The following NAA50 variants were observed in gnomAD, a reference collection of about 807,000 sequenced individuals.
The protein encoded by NAA50 is N-alpha-acetyltransferase 50.
Under a neutral mutation model 20.7 loss-of-function variants are expected in NAA50, and 7 were observed. The ratio of observed to expected loss-of-function variants is 0.34; its 90% CI spans 0.19 to 0.63. The LOEUF (loss-of-function observed/expected upper bound fraction) is 0.63, where lower values mean the gene tolerates loss of function less well. Among genes scored for constraint, NAA50 ranks in the 30% least tolerant of loss-of-function variants. NAA50 has a pLI of 0.75. For missense variants in NAA50, 111 were observed against 199.1 expected, an observed-to-expected ratio of 0.56 and a Z score of 2.66; for synonymous variants, 54 against 70.6, an observed-to-expected ratio of 0.77 and a Z score of 1.18.
chr3:113,721,870 T>C lies in NAA50; in HGVS notation c.400A>G (p.Thr134Ala). 6.2e-7 allele frequency: 1 copy of C among 1,613,926 alleles called. No individual in the cohort carries two copies. Among genetic ancestry groups the C allele is most frequent in the Non-Finnish European group, 8.5e-7 (1 of 1,179,842 alleles). The change falls in exon 5 of 5, where the codon ACA (threonine) becomes GCA (alanine). Residue 134 changes from threonine (T) to alanine (A), a missense_variant. Physicochemically the swap from Thr to Ala is moderately conservative, Grantham distance 58. Transcript: ENST00000240922. ...ATCCTCTTATAGTAGTTCTTCTTTGTCTCAATAATCTCAAAGCCAAACTTC... is the reference window on the plus strand; with the variant it reads ...ATCCTCTTATAGTAGTTCTTCTTTGCCTCAATAATCTCAAAGCCAAACTTC... ...YRKFGFEIIE[T>A]KKNYYKRIEP...
chr3:113,745,185 C>T (rs1708473818), intron 1 of NAA50, among the ~76,000 whole-genome samples: 1 of 152,162 alleles, frequency 6.6e-6, no homozygotes, highest in African/African-American at 2.4e-5. Context: ...CCTAATTTTA[C>T]GTAAGAGGCA....
Position 113,719,712 on chromosome 3 carries a change from A to G in NAA50, c.*2048T>C, listed in dbSNP as rs1434512989. The G allele has an allele frequency of 1.3e-5, 2 of 152,630 alleles. No homozygotes were observed. The highest frequency in any genetic ancestry group is 2.9e-5 in the Non-Finnish European group (2 of 68,022). 9.5% of individuals were successfully genotyped at this position (152,630 alleles called of 1,614,324 possible). On this transcript the variant is annotated 3_prime_UTR_variant, in exon 5 of 5. Transcript: ENST00000240922. ...AAATTTAATATTTTTTCCTCCTTAA[A>G]TAACATGTACTTGTCATGAGGCAGC... is the stretch of plus-strand genomic sequence containing the variant.
chr3:113,736,324 C>T (rs1708340809), intron 1 of NAA50, among the ~76,000 whole-genome samples: 1 of 152,106 alleles, frequency 6.6e-6, no homozygotes, highest in Non-Finnish European at 1.5e-5. Context: ...AAATAAGAAA[C>T]CGCTACTGCC....
chr3:113,736,517 T>C lies in NAA50; in HGVS notation c.8+9425A>G, dbSNP rs569132270. ...TACCCTTGGCCTATAAATCAAGCAG[T>C]GTGATGAGTTAATGCACATTAAATT... On this transcript the variant is annotated intron_variant, in intron 1 of 4. Transcript: ENST00000240922. Among the ~76,000 whole-genome samples, 164 of 152,324 alleles carry C rather than the reference T, an allele frequency of 1.1e-3. 1 individual carries two copies. Among genetic ancestry groups the C allele is most frequent in the Admixed American group, 1.2e-3 (19 of 15,294 alleles).
chr3:113,722,521 A>T (rs1346407400), intron 4 of NAA50, among the ~76,000 whole-genome samples: 1 of 152,132 alleles, frequency 6.6e-6, no homozygotes, highest in African/African-American at 2.4e-5. Flanking sequence ...GATTTTGATT[A>T]TTAAACTCTA....
chr3:113,732,618 G>A (rs1351023504), intron 1 of NAA50, among the ~76,000 whole-genome samples: 2 of 152,306 alleles, frequency 1.3e-5, no homozygotes, highest in South Asian at 2.1e-4. Context: ...TTTGTGGTGT[G>A]TCTGTTTCCT....
chr3:113,726,687 T>G (rs1452824587), intron 1 of NAA50, among the ~76,000 whole-genome samples: 1 of 148,954 alleles, frequency 6.7e-6, no homozygotes, highest in African/African-American at 2.5e-5. Flanking sequence ...GAGGTTGCAG[T>G]GAGCCAAGAT....
At chr3:113,729,604 C>T (rs1708245667) in intron 1 of NAA50, among the ~76,000 whole-genome samples, 1 of 151,342 alleles carries the variant, frequency 6.6e-6, no homozygotes, top group South Asian at 2.1e-4. Flanking sequence ...AGTGCAGTAG[C>T]ACAGTCTTGG....
At chr3:113,745,065 G>A (rs1371301959) in intron 1 of NAA50, among the ~76,000 whole-genome samples, 1 of 152,154 alleles carries the variant, frequency 6.6e-6, no homozygotes, top group Non-Finnish European at 1.5e-5. Context: ...CTCCAAAACG[G>A]CTTGAGACAA....
intron 1 of NAA50, among the ~76,000 whole-genome samples, chr3:113,728,538 C>T (rs1207390470): frequency 6.6e-6 from 1 of 152,178 alleles, no homozygotes; most frequent in Non-Finnish European, 1.5e-5. Flanking sequence ...ATGAACAAAA[C>T]AGCAGTGATG....
intron 1 of NAA50, among the ~76,000 whole-genome samples, chr3:113,743,621 C>G (rs1016252165): frequency 6.6e-6 from 1 of 152,186 alleles, no homozygotes; most frequent in African/African-American, 2.4e-5. Flanking sequence ...AAAGTTTCAT[C>G]TCATCTGGGA....
At chr3:113,733,853 C>CAAAAAAAAAAAAAAAAAAA (rs58431115) in intron 1 of NAA50, among the ~76,000 whole-genome samples, 4 of 68,504 alleles carry the variant, frequency 5.8e-5, no homozygotes, top group African/African-American at 2.4e-4. Context: ...ACTCTGTCTC[C>CAAAAAAAAAAAAAAAAAAA]AAAAAAAAAA....
intron 1 of NAA50, among the ~76,000 whole-genome samples, chr3:113,736,849 T>C (rs1035605436): frequency 1.3e-5 from 2 of 152,208 alleles, no homozygotes; most frequent in African/African-American, 2.4e-5. Flanking sequence ...TTAAGTTATA[T>C]AACAAAAAGT....
At chr3:113,730,437 G>A (rs1708257632) in intron 1 of NAA50, among the ~76,000 whole-genome samples, 1 of 149,946 alleles carries the variant, frequency 6.7e-6, no homozygotes, top group Non-Finnish European at 1.5e-5. Context: ...TTGATTCCTT[G>A]GCTTTCGGAA....
rs149716781 is a variant in NAA50, at chr3:113,726,521, A to G, written c.9-2426T>C. Among the ~76,000 whole-genome samples, 691 of 151,890 alleles carry G rather than the reference A, an allele frequency of 4.5e-3. 15 individuals carry two copies. The highest frequency in any genetic ancestry group is 0.034 in the Admixed American group (512 of 15,266). On this transcript the variant is annotated intron_variant, in intron 1 of 4. Coordinates refer to ENST00000240922, the MANE Select transcript of NAA50 (RefSeq NM_025146.4). ...AAAAAATTGGGAGGCCAAGGTGGGC[A>G]GATCATAAGGTCAAGAGTTTGAGAC...
At chr3:113,731,228 T>G (rs1708268367) in intron 1 of NAA50, among the ~76,000 whole-genome samples, 1 of 152,190 alleles carries the variant, frequency 6.6e-6, no homozygotes, top group Non-Finnish European at 1.5e-5. Context: ...TACTTGTCAT[T>G]TGTAAGTTAT....
At chr3:113,733,853 C>CAAAAAAAAAAAAAAAAAAAAAAAA (rs58431115) in intron 1 of NAA50, among the ~76,000 whole-genome samples, 1 of 68,488 alleles carries the variant, frequency 1.5e-5, no homozygotes, top group African/African-American at 6.1e-5. Context: ...ACTCTGTCTC[C>CAAAAAAAAAAAAAAAAAAAAAAAA]AAAAAAAAAA....
chr3:113,717,867 C>T lies in NAA50; in HGVS notation c.*3893G>A, dbSNP rs1010109864. On this transcript the variant is annotated 3_prime_UTR_variant, in exon 5 of 5. Transcript: ENST00000240922. ...TAGAGACTAATAAAACACAACCTAACCAAAACTACCCTGACCTTGGGAGTC... is the reference window on the plus strand; with the variant it reads ...TAGAGACTAATAAAACACAACCTAATCAAAACTACCCTGACCTTGGGAGTC... The T allele has an allele frequency of 7.9e-5, 12 of 152,198 alleles. No individual in the cohort carries two copies. The highest frequency in any genetic ancestry group is 7.2e-4 in the Admixed American group (11 of 15,278). 9.4% of individuals were successfully genotyped at this position (152,198 alleles called of 1,614,324 possible).
chr3:113,733,853 CAAAAAAAAAAA>C (rs58431115), intron 1 of NAA50, among the ~76,000 whole-genome samples: 5 of 68,488 alleles, frequency 7.3e-5, no homozygotes, highest in African/African-American at 3.1e-4. Context: ...ACTCTGTCTC[CAAAAAAAAAAA>C]AAAAAAAAAA....
Sources: gnomAD v4.1 joint callset for allele counts (sites outside exome capture counted in the v4.1 genomes callset) on GRCh38, gnomAD v4.1.1 for gene constraint, MANE v1.5 for transcripts, NCBI Gene and HGNC (gene_info 2026-07-23, HGNC 2026-07-21) for gene names.